Variants in CPVL observed in about 807,000 individuals in gnomAD.
CPVL encodes the protein probable serine carboxypeptidase CPVL.
CPVL carries 51 observed loss-of-function variants against 63.7 expected under a neutral mutation model. The ratio of observed to expected loss-of-function variants is 0.80; its 90% confidence interval spans 0.64 to 1.01. The LOEUF (loss-of-function observed/expected upper bound fraction) is 1.01, where lower values mean the gene tolerates loss of function less well. Ranked by LOEUF, CPVL falls within the 50% of genes least tolerant of loss-of-function variation. CPVL has a pLI of 0.00. For missense variants in CPVL, 530 were observed against 573.1 expected, an observed-to-expected ratio of 0.92 and a Z score of 0.77; for synonymous variants, 195 against 206.0, an observed-to-expected ratio of 0.95 and a Z score of 0.46.
intron 7 of CPVL, among the ~76,000 whole-genome samples, chr7:29,072,639 C>G (rs192651570): frequency 2.6e-5 from 4 of 152,072 alleles, no homozygotes; most frequent in Non-Finnish European, 1.5e-5. Flanking sequence ...TGAACAGGTT[C>G]GATGCACAAA....
intron 12 of CPVL, among the ~76,000 whole-genome samples, chr7:29,028,662 A>G (rs1350193132): frequency 1.3e-5 from 2 of 152,052 alleles, no homozygotes; most frequent in East Asian, 3.9e-4. Flanking sequence ...CATAAATAAT[A>G]CCATTAAAAA....
At chr7:29,076,207 G>A (rs183770005) in intron 7 of CPVL, among the ~76,000 whole-genome samples, 1 of 152,208 alleles carries the variant, frequency 6.6e-6, no homozygotes, top group Admixed American at 6.5e-5. Flanking sequence ...TTATAACAGT[G>A]ATTCTGTAAT....
chr7:29,104,906 C>T (rs1055826294), intron 3 of CPVL, among the ~76,000 whole-genome samples: 17 of 152,284 alleles, frequency 1.1e-4, no homozygotes, highest in Admixed American at 3.3e-4. Context: ...AAAGTTTCTG[C>T]AGAGTGTTCA....
At chr7:28,998,862 G>T (rs1784340719) in intron 12 of CPVL, among the ~76,000 whole-genome samples, 1 of 151,898 alleles carries the variant, frequency 6.6e-6, no homozygotes, top group Admixed American at 6.6e-5. Flanking sequence ...CTAGAACATG[G>T]TGTTCCTACA....
intron 12 of CPVL, among the ~76,000 whole-genome samples, chr7:28,996,857 A>G (rs1006558805): frequency 6.6e-6 from 1 of 150,486 alleles, no homozygotes; most frequent in African/African-American, 2.5e-5. Flanking sequence ...TCAGCATCAC[A>G]TTATTCATCA....
intron 7 of CPVL, among the ~76,000 whole-genome samples, chr7:29,076,789 T>G (rs915016696): frequency 6.6e-6 from 1 of 152,204 alleles, no homozygotes; most frequent in Non-Finnish European, 1.5e-5. Flanking sequence ...ATTCTCCTCC[T>G]ACATCAGAAG....
rs1487483626 is a variant in CPVL, at chr7:29,055,136, C to T, written c.1137+8925G>A. ...TTTCTGTTTATTCACAGGCTGTAGC[C>T]TGTTTACTTTTGTGTTAGGTGACTT... On this transcript the variant is annotated intron_variant, in intron 11 of 12. Coordinates refer to ENST00000265394, the MANE Select transcript of CPVL (RefSeq NM_031311.5). Among the ~76,000 whole-genome samples the T allele has an allele frequency of 2.0e-5, 3 of 152,146 alleles. No individual in the cohort carries two copies. The East Asian group carries it at 5.8e-4, about 29-fold the overall frequency.
chr7:29,052,052 G>A (rs777408835), intron 11 of CPVL, among the ~76,000 whole-genome samples: 1 of 151,760 alleles, frequency 6.6e-6, no homozygotes, highest in Non-Finnish European at 1.5e-5. Context: ...ACTCAGGAAC[G>A]GAAAATCAGA....
At chr7:29,175,637 A>G (rs866807775) in intron 5 of CPVL, among the ~76,000 whole-genome samples, 4 of 152,132 alleles carry the variant, frequency 2.6e-5, no homozygotes, top group East Asian at 1.9e-4. Context: ...TAGATTACCA[A>G]TCTTGAGTAT....
intron 5 of CPVL, among the ~76,000 whole-genome samples, chr7:29,155,086 G>A (rs181195736): frequency 2.8e-4 from 42 of 152,076 alleles, no homozygotes; most frequent in African/African-American, 1.0e-3. Flanking sequence ...AACAGCACAG[G>A]ACCTGCCCCC....
intron 1 of CPVL, among the ~76,000 whole-genome samples, chr7:29,139,537 G>A (rs1051541173): frequency 4.6e-5 from 7 of 151,744 alleles, no homozygotes; most frequent in Admixed American, 3.3e-4. Context: ...TTCTTGGGGG[G>A]GCAGGGGGGC....
chr7:29,127,204 G>A (rs935193981), intron 1 of CPVL, among the ~76,000 whole-genome samples: 11 of 152,096 alleles, frequency 7.2e-5, no homozygotes, highest in African/African-American at 1.4e-4. Context: ...CAACCAGAAG[G>A]GAAATTTAAG....
chr7:29,084,203 G>C (rs1207092624), intron 7 of CPVL, among the ~76,000 whole-genome samples: 1 of 152,192 alleles, frequency 6.6e-6, no homozygotes, highest in African/African-American at 2.4e-5. Context: ...CTCTGCCACA[G>C]GCAGCCGGGC....
At chr7:29,080,425 G>T (rs62442653) in intron 7 of CPVL, 40,620 of 151,656 alleles carry the variant, frequency 0.27, 6,240 homozygotes, top group East Asian at 0.6. Flanking sequence ...GGGCATGGTG[G>T]CACGTGCCTG....
intron 9 of CPVL, 57 bp downstream of exon 9, chr7:29,071,716 C>T: frequency 4.8e-6 from 4 of 833,386 alleles, no homozygotes; most frequent in Non-Finnish European, 7.2e-6. Context: ...CTCACCCGCC[C>T]TCCCTCCCCA....
intron 11 of CPVL, among the ~76,000 whole-genome samples, chr7:29,049,950 T>A (rs1789984361): frequency 6.6e-6 from 1 of 152,146 alleles, no homozygotes. Context: ...AGAAAAAGCA[T>A]TCAACAAATC....
At chr7:29,195,302 G>T, upstream of CPVL, 1 of 340,636 alleles carries the variant, frequency 2.9e-6, no homozygotes, top group Non-Finnish European at 5.3e-6. Context: ...TTCTGGCGCA[G>T]CTGGAGCGGG....
intron 2 of CPVL, among the ~76,000 whole-genome samples, chr7:29,120,482 A>G (rs1336548180): frequency 2.0e-5 from 3 of 152,048 alleles, no homozygotes; most frequent in Non-Finnish European, 4.4e-5. Flanking sequence ...AAAACAACTG[A>G]GTAAAAATAC....
At chr7:29,192,469 C>T (rs571169196) in intron 1 of CPVL, 2 of 152,320 alleles carry the variant, frequency 1.3e-5, no homozygotes, top group South Asian at 2.1e-4. Context: ...CCCTATTGCA[C>T]AATTTGGGAC....
Sources: gnomAD v4.1 joint callset for allele counts (sites outside exome capture counted in the v4.1 genomes callset) on GRCh38, gnomAD v4.1.1 for gene constraint, MANE v1.5 for transcripts, NCBI Gene and HGNC (gene_info 2026-07-23, HGNC 2026-07-21) for gene names.